MICAL3: variants seen among roughly 807,000 people sequenced by gnomAD.
The protein encoded by MICAL3 is [F-actin]-monooxygenase MICAL3.
MICAL3 carries 62 observed loss-of-function variants against 207.4 expected under a neutral mutation model. That is an observed-to-expected ratio of 0.30 (90% CI 0.24 to 0.37). The LOEUF (loss-of-function observed/expected upper bound fraction) is 0.37. MICAL3 is among the 10% of genes least tolerant of loss of function. The pLI is 1.00. For synonymous variants in MICAL3, 1,077 were observed against 1,069.3 expected, an observed-to-expected ratio of 1.01 and a Z score of -0.14; for missense variants, 2,368 against 2,635.6, an observed-to-expected ratio of 0.90 and a Z score of 2.22.
chr22:17,812,881 A>G (rs2062063515), intron 27 of MICAL3: 1 of 152,172 alleles, frequency 6.6e-6, no homozygotes, highest in Admixed American at 6.5e-5. Context: ...GTAAAGTTAA[A>G]GCCGTTAAAA....
chr22:17,872,101 C>T lies in MICAL3; in HGVS notation c.2242-78G>A, dbSNP rs73386332. Reference sequence around the variant, plus strand: ...AGGCCCTCCTAGAGGCACAGCCTTGCGAGAGCAAAGCCAACCCTCACTAAG... The same window carrying T: ...AGGCCCTCCTAGAGGCACAGCCTTGTGAGAGCAAAGCCAACCCTCACTAAG... On this transcript the variant is annotated intron_variant, in intron 16 of 31. Transcript: ENST00000441493. 0.01 allele frequency: 13,516 copies of T among 1,315,742 alleles called. 729 individuals carry two copies. The African/African-American group carries it at 0.14, about 14-fold the overall frequency. 81.5% of individuals were successfully genotyped at this position (1,315,742 alleles called of 1,614,324 possible). A position where few individuals can be genotyped will look rare whatever the true frequency, so the allele number is the denominator to read the frequency against.
intron 29 of MICAL3, among the ~76,000 whole-genome samples, chr22:17,792,211 G>A (rs2061831658): frequency 6.6e-6 from 1 of 152,208 alleles, no homozygotes; most frequent in South Asian, 2.1e-4. Context: ...CATGGCAAAA[G>A]TGTGGTCCTG....
chr22:17,866,052 G>C (rs1569102720), intron 17 of MICAL3, 40 bp from the exon 18 acceptor site: 1 of 1,503,550 alleles, frequency 6.7e-7, no homozygotes, highest in Non-Finnish European at 9.3e-7. Flanking sequence ...CGATGAGCCA[G>C]GCACGGATCC....
chr22:17,821,633 A>G, intron 24 of MICAL3, 124 bp from the exon 25 acceptor site: 2 of 762,976 alleles, frequency 2.6e-6, no homozygotes, highest in African/African-American at 1.8e-5. Context: ...GTCGGCTCCC[A>G]GTTCTCCTGG....
At chr22:17,822,214 G>A in intron 23 of MICAL3, 44 bp from the exon 24 acceptor site, 1 of 1,581,326 alleles carries the variant, frequency 6.3e-7, no homozygotes, top group Non-Finnish European at 8.6e-7. Flanking sequence ...CCCTAAGTGA[G>A]GCCAACTCCT....
chr22:17,833,382 C>T (rs946487827), intron 20 of MICAL3, among the ~76,000 whole-genome samples: 3 of 152,234 alleles, frequency 2.0e-5, no homozygotes, highest in African/African-American at 7.2e-5. Context: ...CAACAAAATC[C>T]AAGAAGCATC....
At chr22:17,856,783 A>G (rs796399272) in intron 19 of MICAL3, among the ~76,000 whole-genome samples, 35 of 151,624 alleles carry the variant, frequency 2.3e-4, no homozygotes, top group African/African-American at 6.5e-4. Flanking sequence ...CACCGCGCCC[A>G]GCTAATTTTT....
chr22:17,876,969 G>A (rs796349628), intron 16 of MICAL3: 12 of 125,798 alleles, frequency 9.5e-5, no homozygotes, highest in Non-Finnish European at 1.8e-4. Flanking sequence ...GGTTAGGGAG[G>A]TTATGGAGGT....
intron 19 of MICAL3, chr22:17,863,373 A>T: frequency 2.0e-6 from 2 of 985,306 alleles, no homozygotes; most frequent in South Asian, 4.7e-5. Context: ...GCTCTCTCCA[A>T]CTGAATGTAC....
At chr22:17,995,309 T>C (rs1922148361) in intron 1 of MICAL3, among the ~76,000 whole-genome samples, 1 of 151,838 alleles carries the variant, frequency 6.6e-6, no homozygotes, top group Non-Finnish European at 1.5e-5. Flanking sequence ...TCTGAGCAGC[T>C]GCGACTATAG....
chr22:18,021,606 TCTAA>T (rs1425910153), intron 1 of MICAL3, among the ~76,000 whole-genome samples: 1 of 152,180 alleles, frequency 6.6e-6, no homozygotes, highest in African/African-American at 2.4e-5. Flanking sequence ...TGGAAGTTGT[TCTAA>T]CTGTTTTGGG....
chr22:17,978,357 GATGAGTAGTTGGCC>G (rs1935748477), intron 1 of MICAL3, among the ~76,000 whole-genome samples: 1 of 152,184 alleles, frequency 6.6e-6, no homozygotes, highest in Non-Finnish European at 1.5e-5. Flanking sequence ...AAAGAAAGTA[GATGAGTAGTTGGCC>G]ATGGCTCAGG....
chr22:17,953,887 C>T (rs1383536234), intron 1 of MICAL3, among the ~76,000 whole-genome samples: 1 of 131,882 alleles, frequency 7.6e-6, no homozygotes, highest in Non-Finnish European at 1.5e-5. Flanking sequence ...GCCGAGATCA[C>T]ACCACTGCAT....
intron 19 of MICAL3, among the ~76,000 whole-genome samples, chr22:17,850,061 C>T (rs533548894): frequency 7.9e-5 from 12 of 152,164 alleles, no homozygotes; most frequent in South Asian, 4.2e-4. Flanking sequence ...ACTTGTATGT[C>T]GGGGCACTGA....
chr22:17,861,443 C>CG, intron 19 of MICAL3: 1 of 985,408 alleles, frequency 1.0e-6, no homozygotes, highest in Middle Eastern at 5.2e-4. Context: ...GATGAGCACT[C>CG]GGGGAAAAAG....
At chr22:17,977,854 T>C (rs2146428354) in intron 1 of MICAL3, among the ~76,000 whole-genome samples, 1 of 151,898 alleles carries the variant, frequency 6.6e-6, no homozygotes, top group Non-Finnish European at 1.5e-5. Flanking sequence ...AAAAACCCTG[T>C]CTCTATAAAA....
At chr22:17,851,050 T>C (rs1925274062) in intron 19 of MICAL3, among the ~76,000 whole-genome samples, 1 of 152,200 alleles carries the variant, frequency 6.6e-6, no homozygotes, top group South Asian at 2.1e-4. Flanking sequence ...GGTCTCCTCT[T>C]AAATTGCACG....
chr22:17,948,276 C>T (rs1202546588), intron 1 of MICAL3, among the ~76,000 whole-genome samples: 1 of 152,264 alleles, frequency 6.6e-6, no homozygotes, highest in African/African-American at 2.4e-5. Flanking sequence ...GATGTTTCCA[C>T]AGTGCCGCCA....
At chr22:17,815,478 T>C (rs1278115594) in intron 27 of MICAL3, 1 of 152,294 alleles carries the variant, frequency 6.6e-6, no homozygotes, top group East Asian at 1.9e-4. Flanking sequence ...GGGATGTGTT[T>C]AGGGACCCAC....
Sources: allele counts gnomAD v4.1 joint callset (sites outside exome capture counted in the v4.1 genomes callset), GRCh38; gene constraint gnomAD v4.1.1; transcripts MANE v1.5; gene names NCBI Gene and HGNC (gene_info 2026-07-23, HGNC 2026-07-21).